SLFN13: variants seen among roughly 807,000 people sequenced by gnomAD.
SLFN13 encodes the protein schlafen family member 13, also known as schlafen-13.
SLFN13 carries 43 observed loss-of-function variants against 50.6 expected under a neutral mutation model. The observed-to-expected ratio is 0.85, with a 90% CI of 0.67 to 1.09. SLFN13 has a LOEUF of 1.09. Ranked by LOEUF, SLFN13 falls within the 50% of genes least tolerant of loss-of-function variation. The probability of loss-of-function intolerance (pLI) is 0.00; values close to 1 mark genes in which losing one functional copy is unlikely to be tolerated. For synonymous variants in SLFN13, 339 were observed against 386.5 expected, an observed-to-expected ratio of 0.88 and a Z score of 1.44; for missense variants, 881 against 1,071.1, an observed-to-expected ratio of 0.82 and a Z score of 2.48.
At chr17:35,443,618 C>A (rs1913038772) in intron 4 of SLFN13, among the ~76,000 whole-genome samples, 171 bp downstream of exon 4, 1 of 152,214 alleles carries the variant, frequency 6.6e-6, no homozygotes, top group Admixed American at 6.5e-5. Flanking sequence ...GATGTGGCAA[C>A]CAATGGGCCA....
Position 35,441,139 on chromosome 17 carries a change from G to C in SLFN13, c.2150C>G (p.Pro717Arg), listed in dbSNP as rs778061533. 1.2e-6 allele frequency: 2 copies of C among 1,614,064 alleles called. No homozygotes were observed. The highest frequency in any genetic ancestry group is 1.7e-5 in the Admixed American group (1 of 60,018). Residue 717 changes from proline (P) to arginine (R), a missense_variant, in exon 6 of 6, where the codon CCT becomes CGT. By Grantham distance (103) the Pro-to-Arg change is moderately radical. Coordinates refer to ENST00000285013, the MANE Select transcript of SLFN13 (RefSeq NM_144682.6). The stretch of plus-strand genomic sequence containing the variant: ...TTCTCTTGGATACTGTGCTGAGAGA[G>C]GGGGAAGGCCACTGTGACCCAAGTG... ...TSHLGHSGLP[P>R]LSAQYPREEL...
chr17:35,449,199 C>T (rs907602969), upstream of SLFN13, among the ~76,000 whole-genome samples: 6 of 151,616 alleles, frequency 4.0e-5, no homozygotes, highest in Admixed American at 6.6e-5. Flanking sequence ...GAGATCGCAC[C>T]ACTGCACTCC....
chr17:35,442,187 G>C lies in SLFN13; in HGVS notation c.1298C>G (p.Pro433Arg), dbSNP rs16970912. 3.7e-6 allele frequency: 6 copies of C among 1,614,150 alleles called. No individual in the cohort carries two copies. Among genetic ancestry groups the C allele is most frequent in the Non-Finnish European group, 4.2e-6 (5 of 1,180,030 alleles). Residue 433 changes from proline to arginine, a missense_variant, in exon 5 of 6, where the codon CCT becomes CGT. By Grantham distance (103) the Pro-to-Arg change is moderately radical (BLOSUM62 -2). Around this residue, in one of 5 missense-constraint regions of SLFN13, gnomAD observed 497 missense variants for 518.3 expected, o/e 0.96. Coordinates refer to ENST00000285013, the MANE Select transcript of SLFN13 (RefSeq NM_144682.6). ...LKELIHKQMR[P>R]FSQGIVILSR... ...GAGGATCACAATTCCCTGGGAGAAA[G>C]GTCGCATTTGCTTGTGTATTAACTC... is the stretch of plus-strand genomic sequence containing the variant.
In SLFN13 at chr17:35,444,851, A is replaced by C. The variant is rs1200821151; in HGVS notation, c.830T>G (p.Ile277Ser). The C allele has an allele frequency of 3.1e-6, 5 of 1,614,210 alleles. No homozygotes were observed. The highest frequency in any genetic ancestry group is 4.2e-6 in the Non-Finnish European group (5 of 1,180,030). ...AAAATGAACAATGGGCAACTTAGAA[A>C]TTGCTCTTGCAATTACATTTTTCAA... Reference protein sequence around the residue: ...DSLKNVIARAISKLPIVHFCS... With the variant: ...DSLKNVIARASSKLPIVHFCS... Residue 277 changes from isoleucine to serine, a missense_variant, in exon 3 of 6, where the codon ATT (isoleucine) becomes AGT (serine). This residue lies in a region of SLFN13 where 497 missense variants were observed against 518.3 expected (regional missense o/e 0.96). Coordinates refer to ENST00000285013, the MANE Select transcript of SLFN13 (RefSeq NM_144682.6).
In SLFN13 at chr17:35,444,787, G is replaced by A. The variant is rs147953074; in HGVS notation, c.894C>T (p.Ile298=). The stretch of plus-strand genomic sequence containing the variant: ...ACTCTTTCCCACAAAACACTTCTAC[G>A]ATTTTGGTGCTGTACTCTACCCGAG... ...SKPRVEYSTK[I]VEVFCGKELY... Residue 298 remains isoleucine, a synonymous_variant, in exon 3 of 6, where the codon ATC becomes ATT. Coordinates refer to ENST00000285013, the MANE Select transcript of SLFN13 (RefSeq NM_144682.6). The A allele has an allele frequency of 1.2e-6, 2 of 1,614,036 alleles. No homozygotes were observed. The highest frequency in any genetic ancestry group is 1.3e-5 in the African/African-American group (1 of 74,906).
rs1420789256 is a variant in SLFN13, at chr17:35,435,993, G to A, written c.*4602C>T. 6.6e-6 allele frequency: 1 copy of A among 152,052 alleles called. No homozygotes were observed. The highest frequency in any genetic ancestry group is 1.5e-5 in the Non-Finnish European group (1 of 68,010). The allele number at this position is 152,052 out of a possible 1,614,324, so 9.4% of individuals were successfully genotyped here. A position where few individuals can be genotyped will look rare whatever the true frequency, so the allele number is the denominator to read the frequency against. On this transcript the variant is annotated 3_prime_UTR_variant, in exon 6 of 6. Transcript: ENST00000285013. ...TGACTTGAACCACCTTGGTCGTGGT[G>A]TATTATCACTTTTACAAATTGTTGG...
At position 35,437,742 on chromosome 17, in the gene SLFN13, A is replaced by T. The variant is rs878872395; in HGVS notation, c.*2853T>A. 6.6e-5 allele frequency: 10 copies of T among 152,188 alleles called. No homozygotes were observed. Among genetic ancestry groups the T allele is most frequent in the South Asian group, 4.1e-4 (2 of 4,820 alleles). 9.4% of individuals were successfully genotyped at this position (152,188 alleles called of 1,614,324 possible). A position where few individuals can be genotyped will look rare whatever the true frequency, so the allele number is the denominator to read the frequency against. On this transcript the variant is annotated 3_prime_UTR_variant, in exon 6 of 6. Coordinates refer to ENST00000285013, the MANE Select transcript of SLFN13 (RefSeq NM_144682.6). Reference sequence around the variant, plus strand: ...AATAAGCTAGGTTTAAAAAAATTTTAAAAAGGAGGGCACTAAGTGGGGTAT... The same window carrying T: ...AATAAGCTAGGTTTAAAAAAATTTTTAAAAGGAGGGCACTAAGTGGGGTAT...
chr17:35,440,834 C>G lies in SLFN13; in HGVS notation c.2455G>C (p.Val819Leu), dbSNP rs1175747450. The change falls in exon 6 of 6, where the codon GTG becomes CTG. Residue 819 changes from valine to leucine, a missense_variant. Val to Leu is a conservative substitution (Grantham distance 32). This residue lies in a region of SLFN13 where 322 missense variants were observed against 327.4 expected (regional missense o/e 0.98). Transcript: ENST00000285013. ...VAVLVSTVTEVEQYQSKLLKA... is the reference protein window; with the variant it reads ...VAVLVSTVTELEQYQSKLLKA... ...AAGAGCTTAGACTGATACTGCTCCA[C>G]TTCTGTCACGGTGCTGACAAGCACA... 6.8e-6 allele frequency: 11 copies of G among 1,614,160 alleles called. No homozygotes were observed. Among genetic ancestry groups the G allele is most frequent in the Non-Finnish European group, 9.3e-6 (11 of 1,180,022 alleles).
rs752622286 is a variant in SLFN13 at position 35,445,363 on chromosome 17, A to G, written c.318T>C (p.Tyr106=). ...FETKQHGRCF[Y]IFVKSWSGDP... The stretch of plus-strand genomic sequence containing the variant: ...CACCACTCCAAGATTTAACAAAAAT[A>G]TAAAAACACCTTCCGTGTTGCTTAG... The change falls in exon 3 of 6, where the codon TAT becomes TAC. Residue 106 remains tyrosine, a synonymous_variant. Coordinates refer to ENST00000285013, the MANE Select transcript of SLFN13 (RefSeq NM_144682.6). 4 of 1,613,912 alleles carry G rather than the reference A, an allele frequency of 2.5e-6. No individual in the cohort carries two copies. The Admixed American group carries it at 5.0e-5, about 20-fold the overall frequency.
Position 35,444,948 on chromosome 17 carries a change from G to C in SLFN13, c.733C>G (p.Leu245Val), listed in dbSNP as rs973022359. 2 of 1,614,180 alleles carry C rather than the reference G, an allele frequency of 1.2e-6. No homozygotes were observed. The highest frequency in any genetic ancestry group is 2.2e-5 in the East Asian group (1 of 44,892). ...SAFANTEGGY[L>V]FIGVDDKSRK... Reference sequence around the variant, plus strand: ...CTCTTATCATCCACTCCAATAAAAAGATAGCCTCCCTCAGTGTTTGCAAAT... The same window carrying C: ...CTCTTATCATCCACTCCAATAAAAACATAGCCTCCCTCAGTGTTTGCAAAT... Residue 245 changes from leucine (L) to valine (V), a missense_variant, in exon 3 of 6, where the codon CTT (leucine) becomes GTT (valine). Around this residue, in one of 5 missense-constraint regions of SLFN13, gnomAD observed 497 missense variants for 518.3 expected, o/e 0.96. Coordinates refer to ENST00000285013, the MANE Select transcript of SLFN13 (RefSeq NM_144682.6).
upstream of SLFN13, among the ~76,000 whole-genome samples, chr17:35,449,319 C>T (rs892518802): frequency 5.9e-5 from 9 of 151,974 alleles, no homozygotes; most frequent in African/African-American, 2.2e-4. Context: ...CTTTCTTACT[C>T]CCCCTCCGCC....
Position 35,445,011 on chromosome 17 carries a change from G to C in SLFN13, c.670C>G (p.Gln224Glu). Residue 224 changes from glutamine (Q) to glutamate (E), a missense_variant, in exon 3 of 6, where the codon CAA (glutamine) becomes GAA (glutamate). Around this residue, in one of 5 missense-constraint regions of SLFN13, gnomAD observed 497 missense variants for 518.3 expected, o/e 0.96. Transcript: ENST00000285013. Reference protein sequence around the residue: ...FKQFSTKHIQQYVENIIPEYI... With the variant: ...FKQFSTKHIQEYVENIIPEYI... The stretch of plus-strand genomic sequence containing the variant: ...TCTGGAATTATATTTTCTACATATT[G>C]TTGGATATGTTTTGTAGAGAACTGT... The C allele has an allele frequency of 6.2e-7, 1 of 1,614,046 alleles. No homozygotes were observed. Among genetic ancestry groups the C allele is most frequent in the Non-Finnish European group, 8.5e-7 (1 of 1,179,996 alleles).
In SLFN13 at chr17:35,445,141, G is replaced by T; in HGVS notation, c.540C>A (p.Tyr180Ter). 1 of 1,613,136 alleles carries T rather than the reference G, an allele frequency of 6.2e-7. No individual in the cohort carries two copies. Among genetic ancestry groups the T allele is most frequent in the Non-Finnish European group, 8.5e-7 (1 of 1,180,012 alleles). The change falls in exon 3 of 6, where the codon TAC becomes TAA. Residue 180 changes from tyrosine (Y) to a stop codon, truncating the protein, a stop_gained. Coordinates refer to ENST00000285013, the MANE Select transcript of SLFN13 (RefSeq NM_144682.6). LOFTEE classifies it high-confidence loss of function. Reference protein sequence around the residue: ...SPPSKIMKAVYQNISESNPAY... With the variant: ...SPPSKIMKAV Reference sequence around the variant, plus strand: ...CAGGATTTGACTCAGATATGTTCTGGTATACAGCTTTCATAATTTTACTAG... The same window carrying T: ...CAGGATTTGACTCAGATATGTTCTGTTATACAGCTTTCATAATTTTACTAG...
chr17:35,442,461 T>C (rs924136777), intron 4 of SLFN13, among the ~76,000 whole-genome samples, 175 bp from the exon 5 acceptor site: 2 of 152,240 alleles, frequency 1.3e-5, no homozygotes, highest in African/African-American at 4.8e-5. Context: ...TGTCTGTTTT[T>C]GAGACGGAGT....
At position 35,442,250 on chromosome 17, in the gene SLFN13, A is replaced by G; in HGVS notation, c.1235T>C (p.Leu412Pro). 1 of 1,608,920 alleles carries G rather than the reference A, an allele frequency of 6.2e-7. No homozygotes were observed. Among genetic ancestry groups the G allele is most frequent in the Non-Finnish European group, 8.5e-7 (1 of 1,177,140 alleles). Reference sequence around the variant, plus strand: ...ATGCTGTAAAGACAGCTCCTTCCAGAGGGACTCTGGAGTACATTCCAAATG... The same window carrying G: ...ATGCTGTAAAGACAGCTCCTTCCAGGGGGACTCTGGAGTACATTCCAAATG... ...PGHLECTPES[L>P]WKELSLQHEG... Residue 412 changes from leucine to proline, a missense_variant, in exon 5 of 6, where the codon CTC (leucine) becomes CCC (proline). Physicochemically the swap from Leu to Pro is moderately conservative, Grantham distance 98. Transcript: ENST00000285013.
In SLFN13 at chr17:35,440,311, T is replaced by A. The variant is rs1912787383; in HGVS notation, c.*284A>T. 2 of 449,430 alleles carry A rather than the reference T, an allele frequency of 4.5e-6. No individual in the cohort carries two copies. Among genetic ancestry groups the A allele is most frequent in the South Asian group, 3.7e-5 (1 of 27,206 alleles). 27.8% of individuals were successfully genotyped at this position (449,430 alleles called of 1,614,324 possible). On this transcript the variant is annotated 3_prime_UTR_variant, in exon 6 of 6. Transcript: ENST00000285013. ...TTTTACCCAGAGAGCAAGACACAGGTCTGCATTGTGCAGCACAGCTAAAGT... is the reference window on the plus strand; with the variant it reads ...TTTTACCCAGAGAGCAAGACACAGGACTGCATTGTGCAGCACAGCTAAAGT...
In SLFN13 at chr17:35,440,438, A is replaced by G; in HGVS notation, c.*157T>C. 2.3e-6 allele frequency: 2 copies of G among 877,164 alleles called. No individual in the cohort carries two copies. Among genetic ancestry groups the G allele is most frequent in the Non-Finnish European group, 3.5e-6 (2 of 578,788 alleles). The allele number at this position is 877,164 out of a possible 1,614,324, so 54.3% of individuals were successfully genotyped here. A position where few individuals can be genotyped will look rare whatever the true frequency, so the allele number is the denominator to read the frequency against. On this transcript the variant is annotated 3_prime_UTR_variant, in exon 6 of 6. Coordinates refer to ENST00000285013, the MANE Select transcript of SLFN13 (RefSeq NM_144682.6). ...AGTTGGGGGAGGAACCCCTGAAAGG[A>G]GAGCCAGAAATGGGGGAGCTCCAAA...
Position 35,440,566 on chromosome 17 carries a change from T to TA in SLFN13, c.*28_*29insT, listed in dbSNP as rs1251225912. On this transcript the variant is annotated 3_prime_UTR_variant, in exon 6 of 6. Coordinates refer to ENST00000285013, the MANE Select transcript of SLFN13 (RefSeq NM_144682.6). ...CACCCATAGACATTTACACAGTATT[T>TA]TGGTTTGGAGTTCTTCCTAATAGTC... 4 of 1,610,126 alleles carry TA rather than the reference T, an allele frequency of 2.5e-6. No homozygotes were observed. Among genetic ancestry groups the TA allele is most frequent in the Non-Finnish European group, 2.5e-6 (3 of 1,177,334 alleles).
rs1436145497 is a variant in SLFN13 at position 35,444,804 on chromosome 17, C to G, written c.877G>C (p.Glu293Gln). 1 of 1,614,216 alleles carries G rather than the reference C, an allele frequency of 6.2e-7. No homozygotes were observed. The highest frequency in any genetic ancestry group is 8.5e-7 in the Non-Finnish European group (1 of 1,180,036). ...VHFCSSKPRV[E>Q]YSTKIVEVFC... is the part of the protein sequence containing the mutation. The stretch of plus-strand genomic sequence containing the variant: ...ACTTCTACGATTTTGGTGCTGTACT[C>G]TACCCGAGGTTTTGAAGAGCAAAAA... Residue 293 changes from glutamate (E) to glutamine (Q), a missense_variant, in exon 3 of 6, where the codon GAG (glutamate) becomes CAG (glutamine). Glu to Gln is a conservative substitution (Grantham distance 29, BLOSUM62 2). This residue lies in a region of SLFN13 where 497 missense variants were observed against 518.3 expected (regional missense o/e 0.96). Coordinates refer to ENST00000285013, the MANE Select transcript of SLFN13 (RefSeq NM_144682.6).
Sources: allele counts gnomAD v4.1 joint callset (sites outside exome capture counted in the v4.1 genomes callset), GRCh38; gene constraint gnomAD v4.1.1; regional missense constraint gnomAD v4.1.1; transcripts MANE v1.5; gene names NCBI Gene and HGNC (gene_info 2026-07-23, HGNC 2026-07-21).